Variants in RTL9 observed in about 807,000 individuals in gnomAD.
RTL9 encodes the protein retrotransposon Gag like 9.
RTL9 carries 19 observed loss-of-function variants against 44.7 expected under a neutral mutation model. That is an observed-to-expected ratio of 0.42 (90% confidence interval 0.30 to 0.62). The LOEUF is 0.62. RTL9 is among the 20% of genes least tolerant of loss of function. The probability of loss-of-function intolerance (pLI) is 0.16; values close to 1 mark genes in which losing one functional copy is unlikely to be tolerated. For synonymous variants in RTL9, 407 were observed against 398.9 expected (o/e 1.02, Z -0.24); for missense variants, 1,105 against 1,080.6 (o/e 1.02, Z -0.32).
chrX:110,393,979 G>A (rs1445619541), intron 1 of RTL9, among the ~76,000 whole-genome samples: 3 of 112,459 alleles, frequency 2.7e-5, no homozygotes, highest in African/African-American at 6.5e-5. Context: ...ATAGGAAAGC[G>A]CTCAATGAGC....
At chrX:110,377,806 G>A (rs1022142378) in intron 1 of RTL9, among the ~76,000 whole-genome samples, 14 of 108,570 alleles carry the variant, frequency 1.3e-4, no homozygotes, top group Non-Finnish European at 1.9e-5. Context: ...TCAGGAGATC[G>A]AGACCATCCT....
chrX:110,373,239 A>G (rs1341249512), intron 1 of RTL9, among the ~76,000 whole-genome samples: 4 of 112,049 alleles, frequency 3.6e-5, no homozygotes, highest in Non-Finnish European at 7.5e-5. Flanking sequence ...TTGCTTCTCT[A>G]CAAACAGGAT....
chrX:110,373,262 C>T (rs756026653), intron 1 of RTL9, among the ~76,000 whole-genome samples: 7 of 111,743 alleles, frequency 6.3e-5, no homozygotes, highest in Non-Finnish European at 1.1e-4. Context: ...AGGTCATCTT[C>T]CTTAGGATGA....
intron 1 of RTL9, among the ~76,000 whole-genome samples, chrX:110,367,691 A>G (rs898610695): frequency 4.5e-5 from 5 of 111,105 alleles, no homozygotes; most frequent in African/African-American, 1.6e-4. Flanking sequence ...TGCTTCTCCC[A>G]CAGCCTTCTT....
At chrX:110,424,238 G>A (rs746926333) in intron 1 of RTL9, among the ~76,000 whole-genome samples, 5 of 111,681 alleles carry the variant, frequency 4.5e-5, no homozygotes, top group South Asian at 3.8e-4. Flanking sequence ...TTGTGGGCCC[G>A]TCACAGCTCT....
At position 110,376,389 on chromosome X, in the gene RTL9, C is replaced by T. The variant is rs141604269; in HGVS notation, c.-168+17473C>T. 3.6e-4 allele frequency among the ~76,000 whole-genome samples: 40 copies of T among 111,281 alleles called. No homozygotes were observed. In the East Asian group the frequency reaches 9.4e-3, roughly 26 times the overall value. On this transcript the variant is annotated intron_variant, in intron 1 of 2. Coordinates refer to the RTL9 transcript ENST00000520821. ...TCCAGACAGGGATGTCAGAGTGAGG[C>T]GTCAACATGAGCTGATGCACAGGAC...
At chrX:110,367,259 TCTC>T (rs1434103252) in intron 1 of RTL9, among the ~76,000 whole-genome samples, 1 of 111,961 alleles carries the variant, frequency 8.9e-6, no homozygotes, top group Non-Finnish European at 1.9e-5. Flanking sequence ...GCCCCATTTC[TCTC>T]CTCCTCAGAG....
intron 1 of RTL9, among the ~76,000 whole-genome samples, chrX:110,380,874 G>A (rs867931464): frequency 7.1e-5 from 8 of 112,362 alleles, no homozygotes; most frequent in Non-Finnish European, 1.5e-4. Flanking sequence ...AAATGGTGCT[G>A]GGATAACTGG....
At chrX:110,432,237 C>T (rs1407936417) in intron 1 of RTL9, among the ~76,000 whole-genome samples, 4 of 112,312 alleles carry the variant, frequency 3.6e-5, no homozygotes, top group African/African-American at 1.3e-4. Flanking sequence ...GTATCTCAGC[C>T]AGCTCTCTTC....
rs768801251 is a variant in RTL9 at position 110,453,637 on chromosome X, C to T, written c.3020C>T (p.Thr1007Ile). ...AGATCTATGTCCTTGTCACAAACAACATATACCGTGTCTGGAAGGATGGCC... is the reference window on the plus strand; with the variant it reads ...AGATCTATGTCCTTGTCACAAACAATATATACCGTGTCTGGAAGGATGGCC... The change falls in exon 1 of 2, where the codon ACA becomes ATA. Residue 1007 changes from threonine to isoleucine, a missense_variant. Coordinates refer to ENST00000540313, the Ensembl canonical transcript of RTL9. 56 of 1,210,674 alleles carry T rather than the reference C, an allele frequency of 4.6e-5. No homozygotes were observed. The highest frequency in any genetic ancestry group is 7.0e-5 in the African/African-American group (4 of 57,337).
At chrX:110,428,059 T>G (rs1466138664) in intron 1 of RTL9, among the ~76,000 whole-genome samples, 2 of 112,393 alleles carry the variant, frequency 1.8e-5, no homozygotes, top group African/African-American at 3.2e-5. Context: ...TGTTCTTCTC[T>G]GGTTAGTTGT....
chrX:110,436,075 C>G (rs901903979), intron 1 of RTL9, among the ~76,000 whole-genome samples: 1 of 112,671 alleles, frequency 8.9e-6, no homozygotes, highest in Non-Finnish European at 1.9e-5. Flanking sequence ...CAAAATGGTT[C>G]TAAATGAAGA....
intron 1 of RTL9, among the ~76,000 whole-genome samples, chrX:110,410,373 A>G (rs2068633956): frequency 8.9e-6 from 1 of 112,064 alleles, no homozygotes; most frequent in Non-Finnish European, 1.9e-5. Flanking sequence ...TTTGGAAGTG[A>G]ATCAACAAAA....
chrX:110,388,991 T>A (rs1255626382), intron 1 of RTL9, among the ~76,000 whole-genome samples: 1 of 112,383 alleles, frequency 8.9e-6, no homozygotes, highest in East Asian at 2.8e-4. Context: ...TATATTTTAA[T>A]TCACATATTC....
intron 1 of RTL9, among the ~76,000 whole-genome samples, chrX:110,374,023 CAT>C (rs770513723): frequency 9.0e-6 from 1 of 111,639 alleles, no homozygotes; most frequent in African/African-American, 3.3e-5. Flanking sequence ...AGAAGACACA[CAT>C]GATATAACAA....
chrX:110,451,319 T>A, exon 1 of RTL9: 1 of 1,211,458 alleles, frequency 8.3e-7, no homozygotes, highest in South Asian at 1.8e-5. Context: ...CATTGCAAAT[T>A]ACAGATGAAG....
chrX:110,435,606 T>A (rs1020754480), intron 1 of RTL9, among the ~76,000 whole-genome samples: 2 of 111,856 alleles, frequency 1.8e-5, no homozygotes, highest in African/African-American at 6.5e-5. Flanking sequence ...CCACTTTCTT[T>A]CTGAGTCTCC....
At chrX:110,381,671 A>G (rs1182574268) in intron 1 of RTL9, among the ~76,000 whole-genome samples, 3 of 111,741 alleles carry the variant, frequency 2.7e-5, no homozygotes, top group African/African-American at 9.8e-5. Context: ...TGGAATCAAC[A>G]TAGGTGCCCA....
chrX:110,407,787 C>T (rs2068613302), intron 1 of RTL9, among the ~76,000 whole-genome samples: 1 of 112,484 alleles, frequency 8.9e-6, no homozygotes, highest in African/African-American at 3.2e-5. Context: ...AACAGAAGGT[C>T]TGACTCTCAT....
Sources: gnomAD v4.1 joint callset for allele counts (sites outside exome capture counted in the v4.1 genomes callset) on GRCh38, gnomAD v4.1.1 for gene constraint, MANE v1.5 for transcripts, NCBI Gene and HGNC (gene_info 2026-07-23, HGNC 2026-07-21) for gene names.